Variants in CAPN13 observed in about 807,000 individuals in gnomAD.
The protein encoded by CAPN13 is calpain 13.
Under a neutral mutation model 98.4 loss-of-function variants are expected in CAPN13, and 90 were observed. That is an observed-to-expected ratio of 0.92 (90% CI 0.77 to 1.09). CAPN13 has a LOEUF of 1.09. CAPN13 is among the 50% of genes least tolerant of loss of function. CAPN13 has a pLI of 0.00. For synonymous variants in CAPN13, 330 were observed against 305.5 expected (o/e 1.08, Z -0.84); for missense variants, 887 against 841.3 (o/e 1.05, Z -0.67).
Position 30,741,896 on chromosome 2 carries a change from T to C in CAPN13, c.1536+12A>G. Reference sequence around the variant, plus strand: ...AATCCCACGTAAGGCCCCTGGGTGCTAGGTACCATACCTGCTGAGCATATC... The same window carrying C: ...AATCCCACGTAAGGCCCCTGGGTGCCAGGTACCATACCTGCTGAGCATATC... On this transcript the variant is annotated intron_variant, in intron 15 of 22. Coordinates refer to ENST00000295055, the MANE Select transcript of CAPN13 (RefSeq NM_144575.3). 1 of 1,613,924 alleles carries C rather than the reference T, an allele frequency of 6.2e-7. No individual in the cohort carries two copies. Among genetic ancestry groups the C allele is most frequent in the South Asian group, 1.1e-5 (1 of 91,080 alleles).
rs574808036 is a variant in CAPN13 at position 30,728,761 on chromosome 2, A to C, written c.*30+1969T>G. ...ATTTGAATTTTAAAAAGTGTAGTCCAGCTGCCGGAAATTGATTTGAGGGAT... is the reference window on the plus strand; with the variant it reads ...ATTTGAATTTTAAAAAGTGTAGTCCCGCTGCCGGAAATTGATTTGAGGGAT... On this transcript the variant is annotated intron_variant, in intron 22 of 22. Transcript: ENST00000295055. Among the ~76,000 whole-genome samples, 110 of 152,372 alleles carry C rather than the reference A, an allele frequency of 7.2e-4. 1 individual carries two copies. Among genetic ancestry groups the C allele is most frequent in the African/African-American group, 2.6e-3 (108 of 41,594 alleles).
chr2:30,752,989 G>A, intron 10 of CAPN13, 64 bp downstream of exon 10: 1 of 1,576,592 alleles, frequency 6.3e-7, no homozygotes, highest in Non-Finnish European at 8.7e-7. Context: ...CTGAAGCCAT[G>A]CAAGGGCTGG....
chr2:30,800,149 A>AAAGAAAGAAAGAAAGAAAGAAAGT (rs1558351667), intron 1 of CAPN13, among the ~76,000 whole-genome samples: 20 of 148,904 alleles, frequency 1.3e-4, no homozygotes, highest in African/African-American at 4.8e-4. Flanking sequence ...AGAAAGAAAG[A>AAAGAAAGAAAGAAAGAAAGAAAGT]AAGAAAGAAA....
chr2:30,756,815 CA>C (rs1461704327), intron 8 of CAPN13, among the ~76,000 whole-genome samples: 1 of 152,200 alleles, frequency 6.6e-6, no homozygotes, highest in African/African-American at 2.4e-5. Context: ...CCGATTCTCG[CA>C]GGGGCATCTA....
intron 19 of CAPN13, among the ~76,000 whole-genome samples, chr2:30,733,334 T>TCTCTTGCTTGCCAC (rs58789902): frequency 6.6e-6 from 1 of 151,816 alleles, no homozygotes; most frequent in Non-Finnish European, 1.5e-5. Context: ...AGCCAGGTCC[T>TCTCTTGCTTGCCAC]GTTCTCAGTC....
At chr2:30,742,015 C>A in intron 14 of CAPN13, 51 bp from the exon 15 acceptor site, 2 of 1,539,794 alleles carry the variant, frequency 1.3e-6, no homozygotes. Flanking sequence ...AAGGAGGCCA[C>A]CCATCTGGTA....
At chr2:30,726,694 T>C (rs1249220432) in intron 22 of CAPN13, among the ~76,000 whole-genome samples, 1 of 152,130 alleles carries the variant, frequency 6.6e-6, no homozygotes. Flanking sequence ...CTGAAAACTG[T>C]AAATCATTGT....
At chr2:30,728,382 T>C (rs1170364742) in intron 22 of CAPN13, among the ~76,000 whole-genome samples, 1 of 152,098 alleles carries the variant, frequency 6.6e-6, no homozygotes, top group Non-Finnish European at 1.5e-5. Context: ...GTGTGTTGAA[T>C]GTTATGACTG....
At chr2:30,751,011 T>C (rs1188825334) in intron 11 of CAPN13, 92 bp downstream of exon 11, 1 of 1,419,054 alleles carries the variant, frequency 7.0e-7, no homozygotes, top group Non-Finnish European at 9.6e-7. Context: ...TGTGGTGCAG[T>C]CAAATCTCCC....
chr2:30,759,513 G>A (rs1230368643), intron 7 of CAPN13, among the ~76,000 whole-genome samples: 1 of 152,200 alleles, frequency 6.6e-6, no homozygotes, highest in African/African-American at 2.4e-5. Context: ...GGCCCAGAGG[G>A]GTGAGGAAAG....
intron 1 of CAPN13, among the ~76,000 whole-genome samples, chr2:30,803,780 G>A (rs1169796658): frequency 6.6e-6 from 1 of 152,160 alleles, no homozygotes; most frequent in Non-Finnish European, 1.5e-5. Context: ...GTTTGTCTCT[G>A]AGGCAACACA....
Position 30,796,222 on chromosome 2 carries a change from A to ATGTG in CAPN13, c.-32-8866_-32-8865insCACA, listed in dbSNP as rs1170175115. On this transcript the variant is annotated intron_variant, in intron 1 of 22. Coordinates refer to ENST00000295055, the MANE Select transcript of CAPN13 (RefSeq NM_144575.3). ...TGTGTATATATATATACACATATAT[A>ATGTG]TGTATATATATATGTGTGCATATAT... Among the ~76,000 whole-genome samples, 514 of 104,726 alleles carry ATGTG rather than the reference A, an allele frequency of 4.9e-3. 7 individuals carry two copies. Among genetic ancestry groups the ATGTG allele is most frequent in the African/African-American group, 0.016 (443 of 27,746 alleles). The allele number at this position is 104,726 out of a possible 152,430, so 68.7% of individuals were successfully genotyped here. A position where few individuals can be genotyped will look rare whatever the true frequency, so the allele number is the denominator to read the frequency against.
At chr2:30,763,290 T>C (rs982670958) in intron 6 of CAPN13, 134 bp from the exon 7 acceptor site, 5 of 707,986 alleles carry the variant, frequency 7.1e-6, no homozygotes, top group Non-Finnish European at 1.2e-5. Flanking sequence ...GGCCTGGAAC[T>C]CTTTTCTAGA....
chr2:30,788,000 G>A (rs1674401918), intron 1 of CAPN13, among the ~76,000 whole-genome samples: 1 of 152,188 alleles, frequency 6.6e-6, no homozygotes, highest in South Asian at 2.1e-4. Context: ...GTCCACAGGA[G>A]AGACAGTGGT....
At chr2:30,775,581 C>T (rs1486267215) in intron 4 of CAPN13, among the ~76,000 whole-genome samples, 1 of 152,024 alleles carries the variant, frequency 6.6e-6, no homozygotes, top group Non-Finnish European at 1.5e-5. Context: ...ACTTATCCTA[C>T]CAGATGTTAC....
intron 20 of CAPN13, among the ~76,000 whole-genome samples, chr2:30,731,633 C>A (rs552068743): frequency 6.6e-6 from 1 of 152,208 alleles, no homozygotes; most frequent in Non-Finnish European, 1.5e-5. Context: ...TCTGCCCACA[C>A]GCCTCTCCCT....
intron 8 of CAPN13, among the ~76,000 whole-genome samples, chr2:30,757,220 G>A (rs1480722285): frequency 6.6e-6 from 1 of 152,254 alleles, no homozygotes; most frequent in Non-Finnish European, 1.5e-5. Context: ...CGACCAGGCT[G>A]AGCCTCACTG....
chr2:30,769,247 A>G (rs1216959545), intron 5 of CAPN13, among the ~76,000 whole-genome samples: 1 of 151,718 alleles, frequency 6.6e-6, no homozygotes, highest in East Asian at 2.0e-4. Flanking sequence ...GAATGTCCCT[A>G]TTGGGTGTGA....
intron 8 of CAPN13, 111 bp from the exon 9 acceptor site, chr2:30,754,475 G>C: frequency 3.6e-6 from 3 of 835,536 alleles, no homozygotes; most frequent in Non-Finnish European, 5.3e-6. Flanking sequence ...GGGGAGCACA[G>C]GGCAAGTGTC....
Sources: gnomAD v4.1 joint callset for allele counts (sites outside exome capture counted in the v4.1 genomes callset) on GRCh38, gnomAD v4.1.1 for gene constraint, MANE v1.5 for transcripts, NCBI Gene and HGNC (gene_info 2026-07-23, HGNC 2026-07-21) for gene names.